SLC35D4: variants seen among roughly 807,000 people sequenced by gnomAD.
SLC35D4 encodes solute carrier family 35 member D4.
the SLC35D4 span, chr18:23,421,505 GC>G: frequency 2.0e-6 from 3 of 1,491,248 alleles, no homozygotes; most frequent in Non-Finnish European, 1.9e-6. Flanking sequence ...ACACCATCCA[GC>G]CCCAGCAGAT....
At chr18:23,389,304 T>C in the SLC35D4 span, among the ~76,000 whole-genome samples, 3 of 152,154 alleles carry the variant, frequency 2.0e-5, no homozygotes, top group Admixed American at 6.5e-5. Context: ...GGTAGTTCTT[T>C]ATAGCAGTGT....
At chr18:23,405,876 T>C in the SLC35D4 span, among the ~76,000 whole-genome samples, 1 of 152,198 alleles carries the variant, frequency 6.6e-6, no homozygotes, top group African/African-American at 2.4e-5. Context: ...GACCTTTCAA[T>C]AGTTAGTCAC....
the SLC35D4 span, among the ~76,000 whole-genome samples, chr18:23,364,902 C>CAAAAAAAAAAAAAAAAA: frequency 3.1e-5 from 1 of 31,886 alleles, no homozygotes; most frequent in African/African-American, 1.8e-4. Flanking sequence ...GACTCTGTCT[C>CAAAAAAAAAAAAAAAAA]AAAAAAAAAA....
At chr18:23,251,389 T>G in the SLC35D4 span, among the ~76,000 whole-genome samples, 1 of 152,068 alleles carries the variant, frequency 6.6e-6, no homozygotes, top group Non-Finnish European at 1.5e-5. Context: ...AGGCGGAGGT[T>G]GCAGTGAGCC....
the SLC35D4 span, among the ~76,000 whole-genome samples, chr18:23,294,566 AG>A: frequency 1.3e-5 from 2 of 152,136 alleles, no homozygotes; most frequent in African/African-American, 2.4e-5. Context: ...AACAACAGGC[AG>A]GGGGCAACAT....
At chr18:23,274,715 G>A in the SLC35D4 span, among the ~76,000 whole-genome samples, 5 of 152,170 alleles carry the variant, frequency 3.3e-5, no homozygotes, top group Admixed American at 3.3e-4. Context: ...TCCAGTGCAC[G>A]CAAGGGCCAG....
the SLC35D4 span, chr18:23,437,957 G>A: frequency 3.9e-6 from 5 of 1,292,498 alleles, no homozygotes; most frequent in Non-Finnish European, 5.4e-6. Flanking sequence ...CAGCCGCCCA[G>A]AGACGGCCAC....
At chr18:23,390,776 A>C in the SLC35D4 span, among the ~76,000 whole-genome samples, 1 of 152,220 alleles carries the variant, frequency 6.6e-6, no homozygotes, top group Non-Finnish European at 1.5e-5. Flanking sequence ...TTTTTGTAAA[A>C]GAATGTCAAT....
At chr18:23,304,707 G>C in the SLC35D4 span, among the ~76,000 whole-genome samples, 7,988 of 152,120 alleles carry the variant, frequency 0.053, 501 homozygotes, top group Admixed American at 0.18. Flanking sequence ...AGAGGAAGAG[G>C]GGGGAGGAAG....
At chr18:23,399,984 T>G in the SLC35D4 span, among the ~76,000 whole-genome samples, 1 of 152,216 alleles carries the variant, frequency 6.6e-6, no homozygotes. Flanking sequence ...ACCAAAAGTT[T>G]TGAATCCACT....
the SLC35D4 span, among the ~76,000 whole-genome samples, chr18:23,364,715 T>C: frequency 7.9e-5 from 12 of 151,816 alleles, no homozygotes; most frequent in Non-Finnish European, 1.2e-4. Flanking sequence ...CCATCCTGGC[T>C]AACATGGTGA....
chr18:23,346,419 C>T, the SLC35D4 span, among the ~76,000 whole-genome samples: 1 of 152,166 alleles, frequency 6.6e-6, no homozygotes, highest in African/African-American at 2.4e-5. Flanking sequence ...CACACCCTGC[C>T]TTCAACTATT....
the SLC35D4 span, among the ~76,000 whole-genome samples, chr18:23,282,157 T>C: frequency 6.6e-6 from 1 of 152,342 alleles, no homozygotes; most frequent in Admixed American, 6.5e-5. Flanking sequence ...CGAAGACACA[T>C]GTGCAGACAC....
At chr18:23,370,171 C>G in the SLC35D4 span, 1 of 1,538,422 alleles carries the variant, frequency 6.5e-7, no homozygotes, top group Non-Finnish European at 8.8e-7. Flanking sequence ...TGCACTCCAA[C>G]AAGAGCTAAA....
At chr18:23,268,434 G>A in the SLC35D4 span, among the ~76,000 whole-genome samples, 27 of 152,246 alleles carry the variant, frequency 1.8e-4, no homozygotes, top group African/African-American at 6.3e-4. Context: ...AATCACCTGG[G>A]GTGCCCTTTG....
chr18:23,258,475 G>C, the SLC35D4 span: 2 of 152,146 alleles, frequency 1.3e-5, no homozygotes, highest in African/African-American at 4.8e-5. Flanking sequence ...ACGTGCCCAG[G>C]GCTGTTCATG....
At chr18:23,251,560 T>C in the SLC35D4 span, among the ~76,000 whole-genome samples, 1 of 151,880 alleles carries the variant, frequency 6.6e-6, no homozygotes, top group East Asian at 1.9e-4. Flanking sequence ...CAGAAAAAAA[T>C]TGTTTAATTC....
the SLC35D4 span, among the ~76,000 whole-genome samples, chr18:23,382,581 C>A: frequency 2.6e-5 from 4 of 152,110 alleles, no homozygotes; most frequent in Non-Finnish European, 4.4e-5. Flanking sequence ...AAAATTACAC[C>A]ATGACACATC....
the SLC35D4 span, among the ~76,000 whole-genome samples, chr18:23,420,902 C>A: frequency 3.2e-3 from 482 of 152,154 alleles, 5 homozygotes; most frequent in African/African-American, 0.011. Flanking sequence ...AATAAAATCA[C>A]TAAACCTCAC....
Sources: allele counts gnomAD v4.1 joint callset (sites outside exome capture counted in the v4.1 genomes callset), GRCh38; gene constraint gnomAD v4.1.1; transcripts MANE v1.5; gene names NCBI Gene and HGNC (gene_info 2026-07-23, HGNC 2026-07-21).